ADGRD1: variants seen among roughly 807,000 people sequenced by gnomAD.
ADGRD1 encodes the protein G-protein coupled receptor 133.
Under a neutral mutation model 113.4 loss-of-function variants are expected in ADGRD1, and 77 were observed. The observed-to-expected ratio is 0.68, with a 90% CI of 0.57 to 0.82. ADGRD1 has a LOEUF of 0.82. Among genes scored for constraint, ADGRD1 ranks in the 40% least tolerant of loss-of-function variants. The pLI, the probability that ADGRD1 is intolerant of heterozygous loss-of-function variation, is 0.00. For synonymous variants in ADGRD1, 474 were observed against 475.0 expected, an observed-to-expected ratio of 1.00 and a Z score of 0.03; for missense variants, 1,036 against 1,139.1, an observed-to-expected ratio of 0.91 and a Z score of 1.30.
intron 15 of ADGRD1, among the ~76,000 whole-genome samples, chr12:131,088,195 CTG>C (rs150220564): frequency 0.045 from 6,798 of 152,244 alleles, 494 homozygotes; most frequent in African/African-American, 0.15. Context: ...AGCAGAGAAA[CTG>C]AGCCCCAGAG....
chr12:131,107,579 T>C (rs529166995), intron 17 of ADGRD1, among the ~76,000 whole-genome samples: 1 of 152,306 alleles, frequency 6.6e-6, no homozygotes, highest in East Asian at 1.9e-4. Flanking sequence ...CTCCAGTTGG[T>C]CCTGTTTGAG....
At chr12:131,129,588 G>A (rs936961755) in intron 20 of ADGRD1, among the ~76,000 whole-genome samples, 1 of 152,174 alleles carries the variant, frequency 6.6e-6, no homozygotes, top group Non-Finnish European at 1.5e-5. Flanking sequence ...GCCTGTGTCA[G>A]TGGGTGAGGT....
intron 13 of ADGRD1, among the ~76,000 whole-genome samples, chr12:131,051,136 C>T (rs958977693): frequency 5.9e-5 from 9 of 152,248 alleles, no homozygotes; most frequent in African/African-American, 2.2e-4. Flanking sequence ...ATCTGAACCA[C>T]GTCCTGCCTC....
intron 10 of ADGRD1, among the ~76,000 whole-genome samples, 163 bp from the exon 11 acceptor site, chr12:131,004,023 C>CTTTTTT (rs56871865): frequency 7.2e-6 from 1 of 139,018 alleles, no homozygotes. Flanking sequence ...TTGCTTTACC[C>CTTTTTT]TTTTTTTTTT....
chr12:131,052,277 C>T (rs998656971), intron 13 of ADGRD1, among the ~76,000 whole-genome samples: 1 of 152,204 alleles, frequency 6.6e-6, no homozygotes, highest in African/African-American at 2.4e-5. Context: ...CACCGAGTCC[C>T]ACCCTGGTCA....
At chr12:131,117,316 G>A (rs565415027) in intron 18 of ADGRD1, among the ~76,000 whole-genome samples, 4 of 152,286 alleles carry the variant, frequency 2.6e-5, no homozygotes, top group South Asian at 4.1e-4. Context: ...AATCCAACTT[G>A]AACTGGCTAA....
chr12:131,020,459 G>A (rs141081770), intron 13 of ADGRD1, among the ~76,000 whole-genome samples: 10 of 152,376 alleles, frequency 6.6e-5, no homozygotes, highest in African/African-American at 2.4e-4. Flanking sequence ...GCTGAGGTCA[G>A]GGAAGAGGTT....
chr12:131,051,397 T>C (rs1010451980), intron 13 of ADGRD1, among the ~76,000 whole-genome samples: 2 of 152,198 alleles, frequency 1.3e-5, no homozygotes, highest in East Asian at 3.8e-4. Context: ...TTTAAACAAA[T>C]TGGGAATCTC....
intron 3 of ADGRD1, chr12:130,969,052 CA>C: frequency 6.6e-7 from 1 of 1,523,964 alleles, no homozygotes; most frequent in East Asian, 2.4e-5. Context: ...TCTGCCTACT[CA>C]AATCTCTCTG....
intron 20 of ADGRD1, among the ~76,000 whole-genome samples, chr12:131,127,578 C>T (rs78770491): frequency 2.4e-4 from 27 of 112,374 alleles, no homozygotes; most frequent in East Asian, 5.7e-4. Context: ...GTGATGGGAC[C>T]CTGAGCTCAG....
intron 13 of ADGRD1, among the ~76,000 whole-genome samples, chr12:131,036,680 C>T (rs1881463984): frequency 4.8e-5 from 7 of 144,408 alleles, no homozygotes; most frequent in Admixed American, 6.9e-5. Flanking sequence ...ACTCAGTACA[C>T]CGGGCCTCAC....
intron 15 of ADGRD1, among the ~76,000 whole-genome samples, chr12:131,087,629 A>G (rs879321135): frequency 4.6e-5 from 7 of 152,182 alleles, no homozygotes; most frequent in Non-Finnish European, 1.0e-4. Flanking sequence ...TTGTGCAGGC[A>G]GCTGTGACCC....
chr12:131,002,822 C>T lies in ADGRD1; in HGVS notation c.1027-363C>T, dbSNP rs71468466. The T allele has an allele frequency of 5.2e-5, 64 of 1,236,074 alleles. No individual in the cohort carries two copies. In the African/African-American group the frequency reaches 8.3e-4, roughly 16 times the overall value. 76.6% of individuals were successfully genotyped at this position (1,236,074 alleles called of 1,614,324 possible). A position where few individuals can be genotyped will look rare whatever the true frequency, so the allele number is the denominator to read the frequency against. On this transcript the variant is annotated intron_variant, in intron 9 of 24. Transcript: ENST00000261654. ...GACCTGGGGGCGATCAGCCCCTCCT[C>T]GTGAAGCACAGGGAGGTAGGGGGAG...
chr12:131,065,889 C>G (rs1382030990), intron 13 of ADGRD1, among the ~76,000 whole-genome samples: 1 of 152,234 alleles, frequency 6.6e-6, no homozygotes, highest in African/African-American at 2.4e-5. Flanking sequence ...GGTTAGGGCC[C>G]TCTCCGGGGG....
At chr12:130,997,011 T>C in intron 8 of ADGRD1, among the ~76,000 whole-genome samples, 1 of 130,894 alleles carries the variant, frequency 7.6e-6, no homozygotes, top group African/African-American at 3.0e-5. Flanking sequence ...GGCGGGGGGC[T>C]GACCCCCCCA....
chr12:131,031,648 GC>G (rs10710422), intron 13 of ADGRD1, among the ~76,000 whole-genome samples: 3,531 of 152,126 alleles, frequency 0.023, 59 homozygotes, highest in Non-Finnish European at 0.035. Flanking sequence ...GAGTTCTGGG[GC>G]CCCTCTCCAC....
intron 2 of ADGRD1, among the ~76,000 whole-genome samples, chr12:130,960,204 G>A (rs958710923): frequency 1.3e-5 from 2 of 152,224 alleles, no homozygotes; most frequent in Non-Finnish European, 2.9e-5. Flanking sequence ...CAAACCCAAA[G>A]CATGTCATTA....
At chr12:130,995,309 C>T (rs978820974) in intron 8 of ADGRD1, among the ~76,000 whole-genome samples, 1 of 152,164 alleles carries the variant, frequency 6.6e-6, no homozygotes, top group African/African-American at 2.4e-5. Context: ...GGCGTATGCG[C>T]AGTGAGGTGG....
intron 3 of ADGRD1, chr12:130,968,700 G>T: frequency 2.2e-6 from 1 of 460,864 alleles, no homozygotes; most frequent in East Asian, 4.1e-5. Flanking sequence ...CCTATGTGTT[G>T]GAGCCAGAAA....
Sources: gnomAD v4.1 joint callset for allele counts (sites outside exome capture counted in the v4.1 genomes callset) on GRCh38, gnomAD v4.1.1 for gene constraint, MANE v1.5 for transcripts, NCBI Gene and HGNC (gene_info 2026-07-23, HGNC 2026-07-21) for gene names.